DENND1A: variants seen among roughly 807,000 people sequenced by gnomAD.
DENND1A encodes the protein DENN domain-containing protein 1A.
Under a neutral mutation model 113.7 loss-of-function variants are expected in DENND1A, and 51 were observed. The ratio of observed to expected loss-of-function variants is 0.45; its 90% CI spans 0.36 to 0.57. The LOEUF is 0.57. Among genes scored for constraint, DENND1A ranks in the 20% least tolerant of loss-of-function variants. The pLI, the probability that DENND1A is intolerant of heterozygous loss-of-function variation, is 0.00. For synonymous variants in DENND1A, 565 were observed against 570.8 expected (o/e 0.99, Z 0.14); for missense variants, 1,258 against 1,395.9 (o/e 0.90, Z 1.57).
intron 3 of DENND1A, among the ~76,000 whole-genome samples, chr9:123,782,293 C>T (rs115106525): frequency 8.3e-4 from 126 of 152,058 alleles, no homozygotes; most frequent in African/African-American, 2.7e-3. Flanking sequence ...CAAGTTATAC[C>T]GCTAAAACTA....
chr9:123,883,986 ATGT>A (rs1202654662), intron 1 of DENND1A, among the ~76,000 whole-genome samples: 1 of 152,186 alleles, frequency 6.6e-6, no homozygotes, highest in East Asian at 1.9e-4. Flanking sequence ...GTGGTGAGTA[ATGT>A]TGTGACAAGT....
chr9:123,539,649 C>T (rs761688531), intron 13 of DENND1A, among the ~76,000 whole-genome samples: 8 of 151,762 alleles, frequency 5.3e-5, no homozygotes, highest in Non-Finnish European at 8.8e-5. Flanking sequence ...TTTGGGAGGC[C>T]GAGGCAGGTG....
chr9:123,786,664 G>T (rs541453794), intron 3 of DENND1A, among the ~76,000 whole-genome samples: 4 of 152,260 alleles, frequency 2.6e-5, no homozygotes, highest in East Asian at 3.9e-4. Context: ...GATGAAAAAA[G>T]AATCAGAACA....
At chr9:123,915,194 T>C (rs1192546002) in intron 1 of DENND1A, among the ~76,000 whole-genome samples, 1 of 152,144 alleles carries the variant, frequency 6.6e-6, no homozygotes, top group East Asian at 1.9e-4. Flanking sequence ...ACATTTAGCA[T>C]AATTTTCAAT....
intron 18 of DENND1A, among the ~76,000 whole-genome samples, chr9:123,450,003 TTAAAA>T (rs1265222683): frequency 8.1e-6 from 1 of 122,880 alleles, no homozygotes; most frequent in Non-Finnish European, 1.8e-5. Flanking sequence ...AATAAAAAAA[TTAAAA>T]TAAAATAAAA....
intron 21 of DENND1A, chr9:123,402,391 T>C (rs2043553605): frequency 4.9e-6 from 2 of 408,250 alleles, no homozygotes; most frequent in South Asian, 3.8e-5. Flanking sequence ...GAACTGCAAC[T>C]TGGGTTAGGC....
rs1025118882 is a variant in DENND1A, at chr9:123,903,148, C to T, written c.18-24127G>A. ...GAGATCGAGACCATCCCGGCTAAAA[C>T]GGTGAAACCCCATCTCTACTAAAAA... On this transcript the variant is annotated intron_variant, in intron 1 of 23. Transcript: ENST00000394215. Among the ~76,000 whole-genome samples the T allele has an allele frequency of 8.6e-5, 13 of 150,862 alleles. No individual in the cohort carries two copies. The East Asian group carries it at 9.7e-4, about 11-fold the overall frequency.
At chr9:123,652,199 A>G in intron 8 of DENND1A, 76 bp from the exon 9 acceptor site, 2 of 1,227,212 alleles carry the variant, frequency 1.6e-6, no homozygotes, top group Non-Finnish European at 1.2e-6. Context: ...TAAGAGCATA[A>G]GAAACATAAA....
At chr9:123,448,902 T>A (rs2132610957) in intron 18 of DENND1A, among the ~76,000 whole-genome samples, 1 of 152,346 alleles carries the variant, frequency 6.6e-6, no homozygotes, top group Middle Eastern at 3.4e-3. Flanking sequence ...TTCAATTTTT[T>A]AAAAACTGCA....
At chr9:123,394,249 C>G (rs970941537) in intron 21 of DENND1A, among the ~76,000 whole-genome samples, 1 of 152,158 alleles carries the variant, frequency 6.6e-6, no homozygotes, top group African/African-American at 2.4e-5. Flanking sequence ...CCATCCGCCT[C>G]GGCCTCCCAA....
intron 9 of DENND1A, among the ~76,000 whole-genome samples, chr9:123,642,976 A>G (rs1272125774): frequency 6.6e-6 from 1 of 152,118 alleles, no homozygotes; most frequent in Non-Finnish European, 1.5e-5. Context: ...CAGTCCACAA[A>G]CTGGCCCTTT....
chr9:123,493,574 CCA>C (rs1157631178), intron 13 of DENND1A, among the ~76,000 whole-genome samples: 1 of 152,166 alleles, frequency 6.6e-6, no homozygotes, highest in Non-Finnish European at 1.5e-5. Context: ...CAGAAGACAT[CCA>C]CAGAGTGTCC....
At chr9:123,688,120 A>T (rs774808880) in intron 5 of DENND1A, among the ~76,000 whole-genome samples, 1 of 152,238 alleles carries the variant, frequency 6.6e-6, no homozygotes, top group African/African-American at 2.4e-5. Context: ...TACTCATTGT[A>T]ATTCTAGATA....
chr9:123,847,152 G>A, intron 2 of DENND1A, among the ~76,000 whole-genome samples: 1 of 151,986 alleles, frequency 6.6e-6, no homozygotes, highest in East Asian at 1.9e-4. Context: ...ATAAATGGAT[G>A]GTTTTAAAAG....
At chr9:123,544,084 C>T (rs2056481817) in intron 13 of DENND1A, among the ~76,000 whole-genome samples, 1 of 152,158 alleles carries the variant, frequency 6.6e-6, no homozygotes, top group Admixed American at 6.5e-5. Context: ...ATGAATGTGG[C>T]TTTTATCATG....
chr9:123,502,079 A>G (rs977871703), intron 13 of DENND1A, among the ~76,000 whole-genome samples: 17 of 152,146 alleles, frequency 1.1e-4, no homozygotes, highest in Middle Eastern at 6.8e-3. Flanking sequence ...CTGTCCCTTT[A>G]GAGAACCCTG....
intron 2 of DENND1A, among the ~76,000 whole-genome samples, chr9:123,832,367 C>T (rs72757143): frequency 2.0e-5 from 3 of 152,208 alleles, no homozygotes; most frequent in Non-Finnish European, 4.4e-5. Flanking sequence ...ATTAAAAAGA[C>T]CTTTAATAGT....
intron 12 of DENND1A, among the ~76,000 whole-genome samples, chr9:123,560,488 A>C (rs1160236276): frequency 5.9e-5 from 9 of 152,172 alleles, no homozygotes; most frequent in African/African-American, 2.2e-4. Flanking sequence ...GGAGTTCAAA[A>C]CCAGCCTGGG....
At chr9:123,605,977 T>C (rs887036519) in intron 11 of DENND1A, among the ~76,000 whole-genome samples, 2 of 152,210 alleles carry the variant, frequency 1.3e-5, no homozygotes, top group African/African-American at 2.4e-5. Context: ...TTTTGCTGAA[T>C]TGCCAGTAAG....
Sources: gnomAD v4.1 joint callset for allele counts (sites outside exome capture counted in the v4.1 genomes callset) on GRCh38, gnomAD v4.1.1 for gene constraint, MANE v1.5 for transcripts, NCBI Gene and HGNC (gene_info 2026-07-23, HGNC 2026-07-21) for gene names.